Variants in UBE3D observed in about 807,000 individuals in gnomAD.
UBE3D encodes the protein ubiquitin protein ligase E3D, also known as E3 ubiquitin-protein ligase E3D.
Under a neutral mutation model 49.6 loss-of-function variants are expected in UBE3D, and 48 were observed. The observed-to-expected ratio is 0.97, with a 90% CI of 0.77 to 1.23. The LOEUF (loss-of-function observed/expected upper bound fraction) is 1.23, where lower values mean the gene tolerates loss of function less well. UBE3D is among the 50% of genes most tolerant of loss of function. The pLI is 0.00. For missense variants in UBE3D, 452 were observed against 468.4 expected, an observed-to-expected ratio of 0.96 and a Z score of 0.32; for synonymous variants, 189 against 174.2, an observed-to-expected ratio of 1.08 and a Z score of -0.67.
At chr6:83,041,918 A>AT (rs552781241) in intron 4 of UBE3D, among the ~76,000 whole-genome samples, 5,426 of 148,532 alleles carry the variant, frequency 0.037, 150 homozygotes, top group African/African-American at 0.079. Flanking sequence ...CTATTATATA[A>AT]TTTTTTTTTT....
At chr6:83,047,289 T>C (rs1008613359) in intron 3 of UBE3D, among the ~76,000 whole-genome samples, 1 of 152,214 alleles carries the variant, frequency 6.6e-6, no homozygotes, top group African/African-American at 2.4e-5. Context: ...CCTTGGTTGG[T>C]AAACTGCATC....
In UBE3D at chr6:83,044,432, T is replaced by C. The variant is rs761150273; in HGVS notation, c.593A>G (p.Lys198Arg). The change falls in exon 4 of 10, where the codon AAA (lysine) becomes AGA (arginine). Residue 198 changes from lysine to arginine, a missense_variant. Coordinates refer to ENST00000369747, the MANE Select transcript of UBE3D (RefSeq NM_198920.3). ...MCCVSSDNHC[K>R]LEPKANTKVI... ...TATTTTGAAATGATATTTTACCAAT[T>C]TACAATGGTTGTCAGAAGAAACACA... is the stretch of plus-strand genomic sequence containing the variant. 25 of 1,613,676 alleles carry C rather than the reference T, an allele frequency of 1.5e-5. No individual in the cohort carries two copies. In the South Asian group the frequency reaches 1.9e-4, roughly 12 times the overall value.
chr6:82,911,209 A>C (rs1285351781), intron 9 of UBE3D, among the ~76,000 whole-genome samples: 3 of 150,698 alleles, frequency 2.0e-5, no homozygotes, highest in South Asian at 2.1e-4. Context: ...AAAAAAAAAA[A>C]AAAAAAAAAA....
intron 3 of UBE3D, among the ~76,000 whole-genome samples, chr6:83,049,499 T>C (rs1783315038): frequency 6.6e-6 from 1 of 152,228 alleles, no homozygotes. Flanking sequence ...AGTTGGTGAC[T>C]GTACTCTTTT....
At chr6:83,009,105 C>T (rs1433850278) in intron 8 of UBE3D, among the ~76,000 whole-genome samples, 1 of 152,070 alleles carries the variant, frequency 6.6e-6, no homozygotes. Flanking sequence ...TCTTATAATA[C>T]TCTTCAAGAA....
At position 83,065,805 on chromosome 6, in the gene UBE3D, C is replaced by G. The variant is rs542218758; in HGVS notation, c.-87G>C. The G allele has an allele frequency of 2.2e-6, 3 of 1,346,078 alleles. No individual in the cohort carries two copies. In the Admixed American group the frequency reaches 6.4e-5, roughly 29 times the overall value. 83.4% of individuals were successfully genotyped at this position (1,346,078 alleles called of 1,614,324 possible). A position where few individuals can be genotyped will look rare whatever the true frequency, so the allele number is the denominator to read the frequency against. On this transcript the variant is annotated 5_prime_UTR_variant, in exon 1 of 10. Coordinates refer to ENST00000369747, the MANE Select transcript of UBE3D (RefSeq NM_198920.3). Reference sequence around the variant, plus strand: ...ACCAGGAGAGGTTCCACGTGCGGACCAACCAGCGGCAGCCCCGCTGCGGCG... The same window carrying G: ...ACCAGGAGAGGTTCCACGTGCGGACGAACCAGCGGCAGCCCCGCTGCGGCG...
At chr6:83,013,887 C>T (rs1220990272) in intron 8 of UBE3D, among the ~76,000 whole-genome samples, 4 of 152,174 alleles carry the variant, frequency 2.6e-5, no homozygotes, top group Non-Finnish European at 5.9e-5. Flanking sequence ...TGATATCTTG[C>T]AGAAGGGAAG....
rs112982648 is a variant in UBE3D at position 83,012,587 on chromosome 6, C to T, written c.1010+6386G>A. ...ACTTGATTATTAAAATCCTTCTCTG[C>T]TGAGGTCACTCGTTGGTAAGCTCTC... On this transcript the variant is annotated intron_variant, in intron 8 of 9. Transcript: ENST00000369747. Among the ~76,000 whole-genome samples, 1,468 of 152,270 alleles carry T rather than the reference C, an allele frequency of 9.6e-3. 21 individuals are homozygous for T. Among genetic ancestry groups the T allele is most frequent in the African/African-American group, 0.033 (1,391 of 41,544 alleles).
At chr6:83,002,109 T>C (rs1363717554) in intron 8 of UBE3D, among the ~76,000 whole-genome samples, 1 of 152,088 alleles carries the variant, frequency 6.6e-6, no homozygotes, top group Admixed American at 6.5e-5. Context: ...TATTTGAACA[T>C]GTGGATGCTT....
intron 1 of UBE3D, 105 bp downstream of exon 1, chr6:83,065,537 A>G (rs1784435288): frequency 5.4e-6 from 6 of 1,114,772 alleles, no homozygotes; most frequent in South Asian, 1.5e-5. Flanking sequence ...CGCAACTGGA[A>G]AGAAGAAACT....
chr6:83,032,728 T>C (rs149033188), intron 5 of UBE3D, among the ~76,000 whole-genome samples: 1 of 152,100 alleles, frequency 6.6e-6, no homozygotes, highest in Non-Finnish European at 1.5e-5. Context: ...CCAGGTGTCA[T>C]AGAAGGGACC....
chr6:83,032,171 T>A, intron 5 of UBE3D: 1 of 455,934 alleles, frequency 2.2e-6, no homozygotes, highest in South Asian at 1.6e-5. Context: ...CATAGACAGC[T>A]TACACCGTAT....
chr6:83,004,591 T>G (rs1333146419), intron 8 of UBE3D, among the ~76,000 whole-genome samples: 1 of 152,170 alleles, frequency 6.6e-6, no homozygotes, highest in Non-Finnish European at 1.5e-5. Context: ...TACTTGAGAT[T>G]GTTTAATAAT....
intron 6 of UBE3D, among the ~76,000 whole-genome samples, chr6:83,023,378 T>G (rs1781236315): frequency 6.6e-6 from 1 of 152,222 alleles, no homozygotes; most frequent in Non-Finnish European, 1.5e-5. Flanking sequence ...AAAACATTTT[T>G]TAAAATCCTC....
intron 1 of UBE3D, among the ~76,000 whole-genome samples, chr6:83,061,348 T>C (rs1246985936): frequency 6.6e-6 from 1 of 152,232 alleles, no homozygotes; most frequent in Non-Finnish European, 1.5e-5. Flanking sequence ...AGGGATATTA[T>C]GTAGACAACT....
chr6:82,890,540 T>C (rs919096925), downstream of UBE3D, among the ~76,000 whole-genome samples: 1 of 152,178 alleles, frequency 6.6e-6, no homozygotes, highest in Non-Finnish European at 1.5e-5. Flanking sequence ...GCAAAGTAAC[T>C]ATAGTGTTGC....
chr6:82,902,216 C>A (rs888866996), intron 9 of UBE3D, among the ~76,000 whole-genome samples: 12 of 152,022 alleles, frequency 7.9e-5, no homozygotes, highest in African/African-American at 2.7e-4. Context: ...TAGAGCCATT[C>A]GAGAAAACAG....
chr6:83,020,202 T>C (rs1272318878), intron 7 of UBE3D, among the ~76,000 whole-genome samples: 1 of 152,236 alleles, frequency 6.6e-6, no homozygotes, highest in Non-Finnish European at 1.5e-5. Flanking sequence ...TTATTTTCAT[T>C]GCAGTTCAGT....
At chr6:83,032,395 T>C in intron 5 of UBE3D, 1 of 399,136 alleles carries the variant, frequency 2.5e-6, no homozygotes, top group South Asian at 1.8e-5. Flanking sequence ...ATGGGGCCTT[T>C]AGCCCCTTTG....
Sources: allele counts gnomAD v4.1 joint callset (sites outside exome capture counted in the v4.1 genomes callset), GRCh38; gene constraint gnomAD v4.1.1; transcripts MANE v1.5; gene names NCBI Gene and HGNC (gene_info 2026-07-23, HGNC 2026-07-21).